PALM2AKAP2: variants seen among roughly 807,000 people sequenced by gnomAD.
PALM2AKAP2 encodes PALM2-AKAP2 fusion protein.
PALM2AKAP2 carries 37 observed loss-of-function variants against 71.5 expected under a neutral mutation model. The ratio of observed to expected loss-of-function variants is 0.52; its 90% CI spans 0.40 to 0.68. The LOEUF (loss-of-function observed/expected upper bound fraction) is 0.68, where lower values mean the gene tolerates loss of function less well. PALM2AKAP2 is among the 30% of genes least tolerant of loss of function. The probability of loss-of-function intolerance (pLI) is 0.00; values close to 1 mark genes in which losing one functional copy is unlikely to be tolerated. For synonymous variants in PALM2AKAP2, 468 were observed against 478.8 expected, an observed-to-expected ratio of 0.98 and a Z score of 0.29; for missense variants, 1,224 against 1,191.8, an observed-to-expected ratio of 1.03 and a Z score of -0.40.
chr9:109,666,623 C>T (rs746107992), intron 1 of PALM2AKAP2, among the ~76,000 whole-genome samples: 32 of 152,222 alleles, frequency 2.1e-4, no homozygotes, highest in Middle Eastern at 3.2e-3. Flanking sequence ...TGCCGTTGCT[C>T]TTGGTTCTAA....
chr9:109,945,298 A>G (rs937479311), intron 6 of PALM2AKAP2: 7 of 152,212 alleles, frequency 4.6e-5, no homozygotes, highest in African/African-American at 1.7e-4. Context: ...GAAGAGAAAA[A>G]TAAAGGAGCT....
At chr9:110,156,556 T>TGGCA in intron 3 of PALM2AKAP2, 59 bp downstream of exon 9, 1 of 1,508,276 alleles carries the variant, frequency 6.6e-7, no homozygotes, top group South Asian at 1.4e-5. Context: ...GTGTGGCGTG[T>TGGCA]GGCATTCCAG....
At chr9:109,745,129 G>A (rs1260875479) in intron 1 of PALM2AKAP2, among the ~76,000 whole-genome samples, 1 of 152,076 alleles carries the variant, frequency 6.6e-6, no homozygotes, top group Non-Finnish European at 1.5e-5. Context: ...AGAATGGCAG[G>A]GCATCAGGTC....
intron 1 of PALM2AKAP2, among the ~76,000 whole-genome samples, chr9:109,704,995 G>A (rs552294001): frequency 3.8e-4 from 58 of 152,288 alleles, no homozygotes; most frequent in Non-Finnish European, 6.8e-4. Flanking sequence ...CAGGACCTTG[G>A]TTGCATTTCC....
At chr9:110,058,898 GTTTTTT>G (rs202140304) in intron 1 of PALM2AKAP2, among the ~76,000 whole-genome samples, 5 of 111,736 alleles carry the variant, frequency 4.5e-5, no homozygotes, top group Non-Finnish European at 8.7e-5. Flanking sequence ...AAGTTTTTTG[GTTTTTT>G]TTTTTTTTTT....
chr9:110,023,520 G>T (rs1291337991), intron 7 of PALM2AKAP2, among the ~76,000 whole-genome samples: 1 of 151,620 alleles, frequency 6.6e-6, no homozygotes, highest in Non-Finnish European at 1.5e-5. Context: ...CTCCATGTTG[G>T]TCAGGCTTGT....
At chr9:109,667,211 T>G (rs1393582531) in intron 1 of PALM2AKAP2, among the ~76,000 whole-genome samples, 2 of 152,012 alleles carry the variant, frequency 1.3e-5, no homozygotes, top group African/African-American at 4.8e-5. Flanking sequence ...AAGGAAAATG[T>G]AAGCTATGTT....
intron 1 of PALM2AKAP2, among the ~76,000 whole-genome samples, chr9:109,825,054 C>T (rs1828109392): frequency 6.6e-6 from 1 of 152,208 alleles, no homozygotes; most frequent in Admixed American, 6.5e-5. Context: ...AATTAGTACA[C>T]ATTTCCAAAG....
intron 1 of PALM2AKAP2, among the ~76,000 whole-genome samples, chr9:110,126,624 G>A (rs1388501629): frequency 6.6e-6 from 1 of 152,126 alleles, no homozygotes; most frequent in Non-Finnish European, 1.5e-5. Context: ...CCTTATTCAC[G>A]GGAAACCCGG....
chr9:109,680,240 T>G (rs1242696603), intron 1 of PALM2AKAP2, among the ~76,000 whole-genome samples: 1 of 152,192 alleles, frequency 6.6e-6, no homozygotes, highest in East Asian at 1.9e-4. Context: ...AACTCCTTTC[T>G]CTGAACGAAG....
intron 1 of PALM2AKAP2, among the ~76,000 whole-genome samples, chr9:109,738,127 T>A (rs959642146): frequency 4.6e-5 from 7 of 152,362 alleles, no homozygotes; most frequent in African/African-American, 1.7e-4. Context: ...TCTATTGCAC[T>A]TGCTATGAAT....
chr9:110,015,568 T>C (rs185461401), intron 6 of PALM2AKAP2, among the ~76,000 whole-genome samples: 1 of 152,250 alleles, frequency 6.6e-6, no homozygotes, highest in Admixed American at 6.5e-5. Flanking sequence ...ATCATGCCAT[T>C]GCACCCCAGC....
At chr9:110,020,252 T>C (rs1833050084) in intron 7 of PALM2AKAP2, among the ~76,000 whole-genome samples, 1 of 152,250 alleles carries the variant, frequency 6.6e-6, no homozygotes, top group African/African-American at 2.4e-5. Context: ...TTATAAATTT[T>C]CTTTCTGAAA....
intron 2 of PALM2AKAP2, 88 bp from the exon 3 acceptor site, chr9:109,880,460 GGGT>G (rs1829819865): frequency 6.5e-7 from 1 of 1,537,852 alleles, no homozygotes; most frequent in African/African-American, 1.4e-5. Flanking sequence ...CGCTGGTGAG[GGGT>G]GGAGCTAAAA....
chr9:109,878,494 C>T (rs1359886389), intron 2 of PALM2AKAP2, among the ~76,000 whole-genome samples: 2 of 152,146 alleles, frequency 1.3e-5, no homozygotes, highest in Non-Finnish European at 2.9e-5. Context: ...TCAAAGAGAT[C>T]TCTACAAACA....
chr9:109,990,082 T>C (rs1832449855), intron 6 of PALM2AKAP2, among the ~76,000 whole-genome samples: 1 of 150,736 alleles, frequency 6.6e-6, no homozygotes, highest in Non-Finnish European at 1.5e-5. Context: ...TTTTTTTTTT[T>C]TTCTTTTGTG....
intron 1 of PALM2AKAP2, among the ~76,000 whole-genome samples, chr9:109,764,798 G>A (rs567767597): frequency 5.2e-5 from 7 of 134,342 alleles, no homozygotes; most frequent in East Asian, 2.3e-4. Flanking sequence ...ATGAATGAAC[G>A]GATAAAGGGA....
At chr9:110,104,407 A>G (rs1835068471) in intron 1 of PALM2AKAP2, among the ~76,000 whole-genome samples, 1 of 152,206 alleles carries the variant, frequency 6.6e-6, no homozygotes, top group Non-Finnish European at 1.5e-5. Context: ...TTCCCAATAC[A>G]TACTCATGGT....
At chr9:109,998,030 G>A (rs1156792334) in intron 6 of PALM2AKAP2, among the ~76,000 whole-genome samples, 1 of 152,192 alleles carries the variant, frequency 6.6e-6, no homozygotes, top group Non-Finnish European at 1.5e-5. Context: ...GGAGCCAAAG[G>A]CAATTAAGAG....
Sources: gnomAD v4.1 joint callset for allele counts (sites outside exome capture counted in the v4.1 genomes callset) on GRCh38, gnomAD v4.1.1 for gene constraint, MANE v1.5 for transcripts, NCBI Gene and HGNC (gene_info 2026-07-23, HGNC 2026-07-21) for gene names.